The following ADGRG1 variants were observed in gnomAD, a reference collection of about 807,000 sequenced individuals.
ADGRG1 encodes 7-transmembrane protein with no EGF-like N-terminal domains-1.
ADGRG1 carries 53 observed loss-of-function variants against 73.5 expected under a neutral mutation model. The observed-to-expected ratio is 0.72, with a 90% CI of 0.58 to 0.91. The LOEUF is 0.91. Ranked by LOEUF, ADGRG1 falls within the 40% of genes least tolerant of loss-of-function variation. The pLI is 0.00. For missense variants in ADGRG1, 795 were observed against 871.8 expected, an observed-to-expected ratio of 0.91 and a Z score of 1.11; for synonymous variants, 394 against 374.4, an observed-to-expected ratio of 1.05 and a Z score of -0.60.
intron 8 of ADGRG1, 82 bp from the exon 9 acceptor site, chr16:57,656,430 GAC>G: frequency 6.2e-7 from 1 of 1,603,786 alleles, no homozygotes; most frequent in Non-Finnish European, 8.5e-7. Context: ...GTGGAAGAAT[GAC>G]ACAGTCGTGC....
At chr16:57,630,579 G>A (rs970772481) in intron 1 of ADGRG1, 61 of 963,070 alleles carry the variant, frequency 6.3e-5, no homozygotes, top group Admixed American at 1.2e-4. Context: ...GATCTGTGAC[G>A]GACAGGCTGT....
chr16:57,632,964 T>C, intron 1 of ADGRG1: 1 of 984,606 alleles, frequency 1.0e-6, no homozygotes, highest in Non-Finnish European at 1.2e-6. Context: ...CAAGGAACAG[T>C]GAGATAGAGA....
rs557367277 is a variant in ADGRG1 at position 57,639,378 on chromosome 16, G to A, written c.-36+10576G>A. On this transcript the variant is annotated intron_variant, in intron 1 of 13. Transcript: ENST00000562631. Reference sequence around the variant, plus strand: ...TGACGTAGTCCCTGCAGCTGCCAACGGTTGCCAGGGCAACGGTTGCCAGGG... The same window carrying A: ...TGACGTAGTCCCTGCAGCTGCCAACAGTTGCCAGGGCAACGGTTGCCAGGG... 1.2e-3 allele frequency: 1,157 copies of A among 985,304 alleles called. 1 individual carries two copies. Among genetic ancestry groups the A allele is most frequent in the Non-Finnish European group, 1.3e-3 (1,113 of 829,818 alleles). The allele number at this position is 985,304 out of a possible 1,614,324, so 61.0% of individuals were successfully genotyped here.
At chr16:57,636,880 C>T (rs778755460) in intron 1 of ADGRG1, 4 of 165,642 alleles carry the variant, frequency 2.4e-5, no homozygotes, top group African/African-American at 9.6e-5. Flanking sequence ...GGTGCCAATA[C>T]GGGTAATAAA....
At chr16:57,628,286 ACC>A, upstream of ADGRG1, 1 of 688,120 alleles carries the variant, frequency 1.5e-6, no homozygotes, top group Non-Finnish European at 1.8e-6. Context: ...TGCCGTGGCA[ACC>A]CCGGCCTCTC....
intron 13 of ADGRG1, among the ~76,000 whole-genome samples, chr16:57,662,672 A>G (rs1383408565): frequency 1.3e-5 from 2 of 151,500 alleles, no homozygotes; most frequent in African/African-American, 2.4e-5. Flanking sequence ...AGTGAGGGAG[A>G]GCGTGGCCAG....
intron 1 of ADGRG1, among the ~76,000 whole-genome samples, chr16:57,644,537 G>T (rs1227212032): frequency 9.1e-6 from 1 of 109,998 alleles, no homozygotes; most frequent in East Asian, 3.0e-4. Flanking sequence ...ACACACATGC[G>T]CAGGCACACA....
upstream of ADGRG1, chr16:57,628,469 T>C (rs2036341150): frequency 4.1e-6 from 4 of 972,094 alleles, no homozygotes; most frequent in South Asian, 1.4e-4. Context: ...GATCACTGCC[T>C]CAGCGCTCTC....
At position 57,632,787 on chromosome 16, in the gene ADGRG1, C is replaced by T. The variant is rs140156844; in HGVS notation, c.-36+3985C>T. On this transcript the variant is annotated intron_variant, in intron 1 of 13. Transcript: ENST00000562631. ...AGCCCCGGAGGAGCTGGCATGCTTC[C>T]GGGCACCGGTGGACAGGCCTCTCTG... is the stretch of plus-strand genomic sequence containing the variant. 58 of 985,336 alleles carry T rather than the reference C, an allele frequency of 5.9e-5. No homozygotes were observed. The East Asian group carries it at 4.5e-3, about 77-fold the overall frequency. The allele number at this position is 985,336 out of a possible 1,614,324, so 61.0% of individuals were successfully genotyped here.
chr16:57,631,332 A>G, intron 1 of ADGRG1: 1 of 985,588 alleles, frequency 1.0e-6, no homozygotes, highest in Non-Finnish European at 1.2e-6. Context: ...CCGGACTGGG[A>G]TGCGGGTTCC....
chr16:57,648,074 T>G (rs2043132192), intron 1 of ADGRG1: 2 of 152,404 alleles, frequency 1.3e-5, no homozygotes, highest in Admixed American at 1.3e-4. Context: ...AGGAGGTCAC[T>G]GGCCCTCTTT....
chr16:57,657,454 G>A lies in ADGRG1; in HGVS notation c.1249G>A (p.Ala417Thr), dbSNP rs1302692281. ...SYVGCVVSALACLVTIAAYLC... is the reference protein window; with the variant it reads ...SYVGCVVSALTCLVTIAAYLC... ...CGTGGGCTGTGTCGTCTCTGCCCTGGCCTGCCTTGTCACCATTGCCGCCTA... is the reference window on the plus strand; with the variant it reads ...CGTGGGCTGTGTCGTCTCTGCCCTGACCTGCCTTGTCACCATTGCCGCCTA... The change falls in exon 10 of 14, where the codon GCC becomes ACC. Residue 417 changes from alanine (A) to threonine (T), a missense_variant. Transcript: ENST00000562631. 7 of 1,613,926 alleles carry A rather than the reference G, an allele frequency of 4.3e-6. No individual in the cohort carries two copies. Among genetic ancestry groups the A allele is most frequent in the Non-Finnish European group, 5.9e-6 (7 of 1,179,958 alleles).
rs757768074 is a variant in ADGRG1 at position 57,663,574 on chromosome 16, C to T, written c.2056C>T (p.Arg686Cys). The change falls in exon 14 of 14, where the codon CGC becomes TGC. Residue 686 changes from arginine to cysteine, a missense_variant. Transcript: ENST00000562631. ...CAGCTCGGGCAGCACCTCGTCCAGC[C>T]GCATCTAGGCCTCCAGCCCACCTGC... is the stretch of plus-strand genomic sequence containing the variant. ...PISSGSTSSSRI is the reference protein window; with the variant it reads ...PISSGSTSSSCI The T allele has an allele frequency of 1.5e-5, 24 of 1,613,246 alleles. No individual in the cohort carries two copies. The highest frequency in any genetic ancestry group is 8.8e-5 in the South Asian group (8 of 91,084).
intron 9 of ADGRG1, 73 bp downstream of exon 9, chr16:57,656,690 T>C (rs763208107): frequency 6.8e-5 from 62 of 905,194 alleles, no homozygotes; most frequent in Non-Finnish European, 1.0e-4. Context: ...ACTTTTCATA[T>C]ATTCAGTCAT....
chr16:57,637,264 T>G, intron 1 of ADGRG1: 1 of 964,406 alleles, frequency 1.0e-6, no homozygotes, highest in Non-Finnish European at 1.2e-6. Context: ...GTCGGGAATG[T>G]TGTAGGTGTG....
chr16:57,630,078 T>G, intron 1 of ADGRG1: 44 of 838,808 alleles, frequency 5.2e-5, no homozygotes, highest in Admixed American at 6.2e-5. Flanking sequence ...ATTGAGCGCT[T>G]ACTGTGCACT....
chr16:57,642,447 G>T (rs1225394659), intron 1 of ADGRG1: 10 of 985,224 alleles, frequency 1.0e-5, no homozygotes, highest in Non-Finnish European at 1.2e-5. Flanking sequence ...GGAGGTGCTG[G>T]CAGGCTTCTG....
Position 57,665,414 on chromosome 16 carries a change from T to A in ADGRG1, c.*1832T>A, listed in dbSNP as rs796733182. 16 of 152,242 alleles carry A rather than the reference T, an allele frequency of 1.1e-4. No homozygotes were observed. The highest frequency in any genetic ancestry group is 3.9e-4 in the African/African-American group (16 of 41,542). The allele number at this position is 152,242 out of a possible 1,614,324, so 9.4% of individuals were successfully genotyped here. On this transcript the variant is annotated 3_prime_UTR_variant, in exon 14 of 14. Transcript: ENST00000562631. ...GGGAAATCCAGACTGTGGTTTGACATCCCCTGATTTTAAAATTTTGGCGAA... is the reference window on the plus strand; with the variant it reads ...GGGAAATCCAGACTGTGGTTTGACAACCCCTGATTTTAAAATTTTGGCGAA...
At chr16:57,642,090 CCTAAAACT>C in intron 1 of ADGRG1, 2 of 985,344 alleles carry the variant, frequency 2.0e-6, no homozygotes, top group Non-Finnish European at 2.4e-6. Context: ...ATTCTCATCT[CCTAAAACT>C]CTTGCATCTT....
Sources: allele counts gnomAD v4.1 joint callset (sites outside exome capture counted in the v4.1 genomes callset), GRCh38; gene constraint gnomAD v4.1.1; transcripts MANE v1.5; gene names NCBI Gene and HGNC (gene_info 2026-07-23, HGNC 2026-07-21).